The following PIAS2 variants were observed in gnomAD, a reference collection of about 807,000 sequenced individuals.
PIAS2 encodes the protein E3 SUMO-protein ligase PIAS2.
In PIAS2, 19 loss-of-function variants were observed where a neutral mutation model predicts 69.7. The observed-to-expected ratio is 0.27, with a 90% CI of 0.19 to 0.40. The LOEUF (loss-of-function observed/expected upper bound fraction) is 0.40. PIAS2 is among the 10% of genes least tolerant of loss of function. The probability of loss-of-function intolerance (pLI) is 1.00; values close to 1 mark genes in which losing one functional copy is unlikely to be tolerated. For synonymous variants in PIAS2, 261 were observed against 263.2 expected (o/e 0.99, Z 0.08); for missense variants, 624 against 757.0 (o/e 0.82, Z 2.06).
intron 1 of PIAS2, among the ~76,000 whole-genome samples, chr18:46,916,523 G>C (rs570372956): frequency 3.3e-5 from 5 of 152,194 alleles, no homozygotes; most frequent in African/African-American, 1.2e-4. Flanking sequence ...AAGGTTATCA[G>C]TCTGGGGGGA....
chr18:46,908,074 A>G (rs970995617), intron 1 of PIAS2: 9 of 152,128 alleles, frequency 5.9e-5, no homozygotes, highest in Non-Finnish European at 5.9e-5. Context: ...ATCCAGCTAT[A>G]ATTTCATTAT....
intron 2 of PIAS2, among the ~76,000 whole-genome samples, chr18:46,870,615 CAAAAAAAAAA>C (rs58099640): frequency 2.4e-4 from 13 of 54,930 alleles, no homozygotes; most frequent in East Asian, 2.3e-3. Flanking sequence ...GACTCCGTCT[CAAAAAAAAAA>C]AAAAAAAAAA....
intron 3 of PIAS2, among the ~76,000 whole-genome samples, chr18:46,861,528 T>C (rs2145563918): frequency 6.6e-6 from 1 of 152,330 alleles, no homozygotes; most frequent in East Asian, 1.9e-4. Context: ...ACCTGGCAGC[T>C]AGTATCAGCC....
chr18:46,849,496 A>C (rs761466495), intron 5 of PIAS2, among the ~76,000 whole-genome samples: 31 of 152,284 alleles, frequency 2.0e-4, no homozygotes, highest in South Asian at 6.2e-4. Context: ...CAGTGGGGCA[A>C]ATATGCGAGC....
At chr18:46,898,416 T>G (rs1269079403) in intron 1 of PIAS2, among the ~76,000 whole-genome samples, 1 of 152,160 alleles carries the variant, frequency 6.6e-6, no homozygotes, top group African/African-American at 2.4e-5. Flanking sequence ...AGTGCTGGGA[T>G]TACAGGCATG....
At chr18:46,817,464 T>C in intron 12 of PIAS2, 1 of 958,148 alleles carries the variant, frequency 1.0e-6, no homozygotes, top group African/African-American at 1.8e-5. Flanking sequence ...GATCCTATTT[T>C]TGTTATTTCA....
rs1313658384 is a variant in PIAS2 at position 46,812,570 on chromosome 18, T to C, written c.1729A>G (p.Thr577Ala). 1.9e-6 allele frequency: 3 copies of C among 1,613,540 alleles called. No individual in the cohort carries two copies. Among genetic ancestry groups the C allele is most frequent in the African/African-American group, 2.7e-5 (2 of 74,996 alleles). Residue 577 changes from threonine to alanine, a missense_variant, in exon 14 of 14, where the codon ACA becomes GCA. Coordinates refer to ENST00000585916, the MANE Select transcript of PIAS2 (RefSeq NM_004671.5). Reference protein sequence around the residue: ...MFLDSLTSPLTASSTSVTTTS... With the variant: ...MFLDSLTSPLAASSTSVTTTS... ...GTGGTGACAGACGTACTGCTTGCTG[T>C]TAAGGGTGAGGTGAGACTATCCAAA... is the stretch of plus-strand genomic sequence containing the variant.
chr18:46,904,493 G>A (rs936563731), intron 1 of PIAS2, among the ~76,000 whole-genome samples: 6 of 152,152 alleles, frequency 3.9e-5, no homozygotes, highest in African/African-American at 1.2e-4. Flanking sequence ...GCTCAGGCCT[G>A]TAATCCCAGC....
chr18:46,830,706 A>C (rs889214669), intron 9 of PIAS2, among the ~76,000 whole-genome samples: 1 of 152,214 alleles, frequency 6.6e-6, no homozygotes, highest in Non-Finnish European at 1.5e-5. Flanking sequence ...AGATAATCTA[A>C]GAAGCCCTAT....
In PIAS2 at chr18:46,807,385, T is replaced by TATATATA. The variant is rs2040759723; in HGVS notation, c.*5047_*5048insTATATAT. 2 of 21,316 alleles carry TATATATA rather than the reference T, an allele frequency of 9.4e-5. No individual in the cohort carries two copies. Among genetic ancestry groups the TATATATA allele is most frequent in the Non-Finnish European group, 1.1e-4 (1 of 9,126 alleles). The allele number at this position is 21,316 out of a possible 1,614,324, so 1.3% of individuals were successfully genotyped here. A position where few individuals can be genotyped will look rare whatever the true frequency, so the allele number is the denominator to read the frequency against. The stretch of plus-strand genomic sequence containing the variant: ...TATATATATATATATATATATATAT[T>TATATATA]TTTTTTTTTTTTTTTTTTTTTTTTT... On this transcript the variant is annotated 3_prime_UTR_variant, in exon 14 of 14. Coordinates refer to ENST00000585916, the MANE Select transcript of PIAS2 (RefSeq NM_004671.5).
chr18:46,870,077 C>G (rs954648221), intron 2 of PIAS2, among the ~76,000 whole-genome samples: 1 of 152,118 alleles, frequency 6.6e-6, no homozygotes, highest in African/African-American at 2.4e-5. Flanking sequence ...CCATATAACC[C>G]TGAGTCAATG....
At chr18:46,842,985 C>T (rs1290129842) in intron 8 of PIAS2, among the ~76,000 whole-genome samples, 1 of 152,138 alleles carries the variant, frequency 6.6e-6, no homozygotes, top group Non-Finnish European at 1.5e-5. Flanking sequence ...TACCACTTTC[C>T]AGAATAAAAG....
chr18:46,917,361 G>A lies in PIAS2; in HGVS notation c.-16C>T, dbSNP rs2058093476. On this transcript the variant is annotated 5_prime_UTR_variant, in exon 1 of 14. Transcript: ENST00000585916. ...AATCCGCCATTTTATACCACCCGCG[G>A]GCGCCGCCGCCGCTGCCGCCGCACC... 3 of 1,461,404 alleles carry A rather than the reference G, an allele frequency of 2.1e-6. No homozygotes were observed. The highest frequency in any genetic ancestry group is 3.0e-5 in the African/African-American group (2 of 67,008). 90.5% of individuals were successfully genotyped at this position (1,461,404 alleles called of 1,614,324 possible).
intron 1 of PIAS2, among the ~76,000 whole-genome samples, chr18:46,913,927 G>A (rs922209601): frequency 3.3e-5 from 5 of 152,178 alleles, no homozygotes; most frequent in African/African-American, 4.8e-5. Context: ...CTCTCAAAGC[G>A]CTGGAATTAC....
chr18:46,841,831 A>C (rs2045433538), intron 8 of PIAS2, among the ~76,000 whole-genome samples: 1 of 152,216 alleles, frequency 6.6e-6, no homozygotes, highest in South Asian at 2.1e-4. Context: ...TCTTCAAGTA[A>C]CTGAAAAGTT....
chr18:46,883,270 GAAC>G (rs1346065946), intron 2 of PIAS2, among the ~76,000 whole-genome samples: 2 of 152,056 alleles, frequency 1.3e-5, no homozygotes, highest in Non-Finnish European at 2.9e-5. Context: ...AATCTGAAAA[GAAC>G]AATGAAGAAA....
chr18:46,886,363 C>A (rs2053184128), intron 2 of PIAS2, among the ~76,000 whole-genome samples: 1 of 152,100 alleles, frequency 6.6e-6, no homozygotes, highest in African/African-American at 2.4e-5. Context: ...ACTGCTGGGA[C>A]AGAATATATA....
intron 3 of PIAS2, among the ~76,000 whole-genome samples, 164 bp from the exon 4 acceptor site, chr18:46,855,779 T>G (rs907194996): frequency 6.6e-6 from 1 of 152,186 alleles, no homozygotes; most frequent in Non-Finnish European, 1.5e-5. Context: ...ATCACTGTAA[T>G]GATGATAAAC....
At chr18:46,869,995 C>T (rs2050084332) in intron 2 of PIAS2, among the ~76,000 whole-genome samples, 1 of 152,052 alleles carries the variant, frequency 6.6e-6, no homozygotes, top group African/African-American at 2.4e-5. Flanking sequence ...ATGAGACCCA[C>T]CAGACCACCC....
Sources: gnomAD v4.1 joint callset for allele counts (sites outside exome capture counted in the v4.1 genomes callset) on GRCh38, gnomAD v4.1.1 for gene constraint, MANE v1.5 for transcripts, NCBI Gene and HGNC (gene_info 2026-07-23, HGNC 2026-07-21) for gene names.